MAF: variants seen among roughly 807,000 people sequenced by gnomAD.
MAF encodes transcription factor Maf.
In MAF, 10 loss-of-function variants were observed where a neutral mutation model predicts 22.0. That is an observed-to-expected ratio of 0.45 (90% CI 0.28 to 0.77). MAF has a LOEUF of 0.77. Ranked by LOEUF, MAF falls within the 30% of genes least tolerant of loss-of-function variation. The pLI is 0.12. For missense variants in MAF, 544 were observed against 548.4 expected, an observed-to-expected ratio of 0.99 and a Z score of 0.08; for synonymous variants, 337 against 255.8, an observed-to-expected ratio of 1.32 and a Z score of -3.03.
At chr16:79,216,376 T>A in the MAF span, among the ~76,000 whole-genome samples, 1 of 152,262 alleles carries the variant, frequency 6.6e-6, no homozygotes, top group East Asian at 1.9e-4. Flanking sequence ...TTCACATATA[T>A]GTATACAGAT....
the MAF span, among the ~76,000 whole-genome samples, chr16:79,313,520 C>T: frequency 6.6e-6 from 1 of 152,122 alleles, no homozygotes; most frequent in Non-Finnish European, 1.5e-5. Flanking sequence ...AGAGAACAAC[C>T]CCTATCATTT....
At chr16:79,355,262 T>C in the MAF span, among the ~76,000 whole-genome samples, 2 of 152,210 alleles carry the variant, frequency 1.3e-5, no homozygotes, top group African/African-American at 4.8e-5. Flanking sequence ...TAGAGTCTTA[T>C]CTATGGCTGA....
chr16:79,396,989 C>T, the MAF span, among the ~76,000 whole-genome samples: 4 of 152,220 alleles, frequency 2.6e-5, no homozygotes, highest in African/African-American at 7.2e-5. Flanking sequence ...CATGCTGTGG[C>T]TATGCACCTG....
downstream of MAF, among the ~76,000 whole-genome samples, chr16:79,593,610 G>C (rs549444021): frequency 2.0e-5 from 3 of 152,360 alleles, no homozygotes; most frequent in East Asian, 1.9e-4. Context: ...ATGGCTTTGA[G>C]ACAGTGAGGA....
the MAF span, among the ~76,000 whole-genome samples, chr16:79,254,916 T>G: frequency 2.0e-5 from 3 of 152,226 alleles, no homozygotes; most frequent in Non-Finnish European, 2.9e-5. Flanking sequence ...CTAACTTCTT[T>G]GTTTTAAGAA....
the MAF span, among the ~76,000 whole-genome samples, chr16:79,242,017 T>G: frequency 6.6e-6 from 1 of 152,058 alleles, no homozygotes; most frequent in Non-Finnish European, 1.5e-5. Context: ...CCACCAGGCC[T>G]GCCTTACAAG....
the MAF span, among the ~76,000 whole-genome samples, chr16:79,272,554 A>G: frequency 6.6e-6 from 1 of 152,206 alleles, no homozygotes; most frequent in African/African-American, 2.4e-5. Flanking sequence ...AAGTAGGACA[A>G]CTTTCATTTG....
At chr16:79,388,941 G>C in the MAF span, among the ~76,000 whole-genome samples, 37 of 152,304 alleles carry the variant, frequency 2.4e-4, no homozygotes, top group Middle Eastern at 3.4e-3. Flanking sequence ...CCGTGATTGA[G>C]ACTGGTTTTA....
At chr16:79,488,347 C>T in the MAF span, among the ~76,000 whole-genome samples, 5 of 152,178 alleles carry the variant, frequency 3.3e-5, no homozygotes, top group African/African-American at 1.2e-4. Context: ...CTCTCACCCC[C>T]TTACTCTCCA....
the MAF span, among the ~76,000 whole-genome samples, chr16:79,346,550 C>T: frequency 6.6e-6 from 1 of 152,118 alleles, no homozygotes; most frequent in Non-Finnish European, 1.5e-5. Flanking sequence ...ATAATGCCCT[C>T]CAAGGCATTA....
chr16:79,494,874 G>A, the MAF span, among the ~76,000 whole-genome samples: 1 of 152,058 alleles, frequency 6.6e-6, no homozygotes, highest in African/African-American at 2.4e-5. Flanking sequence ...TCCCTCCTTG[G>A]GTTCTATAAT....
intron 1 of MAF, among the ~76,000 whole-genome samples, chr16:79,587,997 C>T (rs867263056): frequency 6.6e-6 from 1 of 152,070 alleles, no homozygotes; most frequent in Non-Finnish European, 1.5e-5. Flanking sequence ...GGAGGTCTCA[C>T]ATCGGGGTAA....
chr16:79,368,327 G>A, the MAF span, among the ~76,000 whole-genome samples: 8 of 152,106 alleles, frequency 5.3e-5, no homozygotes, highest in Non-Finnish European at 1.0e-4. Context: ...GGTAATGGCA[G>A]GGCATTAGCC....
chr16:79,369,434 G>C, the MAF span, among the ~76,000 whole-genome samples: 1 of 152,178 alleles, frequency 6.6e-6, no homozygotes, highest in Non-Finnish European at 1.5e-5. Flanking sequence ...AAACATTACT[G>C]CATCCCAGAA....
chr16:79,580,094 CCT>C, the MAF span, among the ~76,000 whole-genome samples: 11 of 152,234 alleles, frequency 7.2e-5, no homozygotes, highest in East Asian at 2.1e-3. Context: ...TTTCACCACG[CCT>C]CTGTCAAACC....
At chr16:79,328,030 CAATGGGCATAAG>C in the MAF span, among the ~76,000 whole-genome samples, 1 of 152,156 alleles carries the variant, frequency 6.6e-6, no homozygotes, top group Non-Finnish European at 1.5e-5. Flanking sequence ...CTTCTCTGTG[CAATGGGCATAAG>C]AATTCCCAAC....
At chr16:79,357,254 A>T in the MAF span, among the ~76,000 whole-genome samples, 9,172 of 31,810 alleles carry the variant, frequency 0.29, 656 homozygotes, top group African/African-American at 0.49. Flanking sequence ...AGACTCTGTC[A>T]CAACAACAAC....
At chr16:79,245,126 C>G in the MAF span, among the ~76,000 whole-genome samples, 2 of 151,778 alleles carry the variant, frequency 1.3e-5, no homozygotes, top group African/African-American at 4.8e-5. Context: ...AGAAGAAAAC[C>G]CAGGCAATAC....
chr16:79,595,659 C>G, intron 1 of MAF: 1 of 1,057,978 alleles, frequency 9.5e-7, no homozygotes, highest in East Asian at 5.2e-5. Context: ...AAGTCAGCCC[C>G]CATACACAGC....
Sources: gnomAD v4.1 joint callset for allele counts (sites outside exome capture counted in the v4.1 genomes callset) on GRCh38, gnomAD v4.1.1 for gene constraint, MANE v1.5 for transcripts, NCBI Gene and HGNC (gene_info 2026-07-23, HGNC 2026-07-21) for gene names.